Variants in HAS3 observed in about 807,000 individuals in gnomAD.
The protein encoded by HAS3 is hyaluronan synthase 3.
Under a neutral mutation model 50.3 loss-of-function variants are expected in HAS3, and 27 were observed. That is an observed-to-expected ratio of 0.54 (90% CI 0.40 to 0.74). The LOEUF (loss-of-function observed/expected upper bound fraction) is 0.74. HAS3 is among the 30% of genes least tolerant of loss of function. The pLI is 0.00. For missense variants in HAS3, 517 were observed against 742.8 expected, an observed-to-expected ratio of 0.70 and a Z score of 3.53; for synonymous variants, 339 against 310.9, an observed-to-expected ratio of 1.09 and a Z score of -0.95.
Position 69,114,571 on chromosome 16 carries a change from C to T in HAS3, c.967C>T (p.Arg323Ter), listed in dbSNP as rs1404103595. ...SFGDDRHLTN[R>*]VLSLGYRTKY... is the part of the protein sequence containing the mutation. The stretch of plus-strand genomic sequence containing the variant: ...CGGGGATGACCGGCACCTCACCAAC[C>T]GAGTCCTGAGCCTTGGCTACCGAAC... The change falls in exon 4 of 4, where the codon CGA (arginine) becomes TGA (stop). Residue 323 changes from arginine to a stop codon, truncating the protein, a stop_gained. Transcript: ENST00000569188. LOFTEE classifies it high-confidence loss of function. This position sits in a 1 kb window ranked among gnomAD's most constrained non-coding sequence, Gnocchi z 6.4. The T allele has an allele frequency of 2.5e-6, 4 of 1,614,090 alleles. No homozygotes were observed. Among genetic ancestry groups the T allele is most frequent in the Admixed American group, 1.7e-5 (1 of 60,006 alleles).
rs1488819974 is a variant in HAS3, at chr16:69,115,570, T to C, written c.*304T>C. The C allele has an allele frequency of 2.4e-5, 26 of 1,100,514 alleles. No homozygotes were observed. The highest frequency in any genetic ancestry group is 2.8e-5 in the Non-Finnish European group (25 of 903,582). The allele number at this position is 1,100,514 out of a possible 1,614,324, so 68.2% of individuals were successfully genotyped here. On this transcript the variant is annotated 3_prime_UTR_variant, in exon 4 of 4. Transcript: ENST00000569188. ...GGCTCCAGAGGGCACTCAGAAGTTG[T>C]GCTAAACCAAGTTAAGTCCCATTCA...
downstream of HAS3, chr16:69,118,129 C>CCCCA: frequency 5.5e-6 from 2 of 364,368 alleles, no homozygotes; most frequent in South Asian, 4.8e-5. Context: ...CATCCCCCAC[C>CCCCA]CCCACCCTAA....
At chr16:69,100,870 C>G (rs1242469018), upstream of HAS3, among the ~76,000 whole-genome samples, 1 of 151,398 alleles carries the variant, frequency 6.6e-6, no homozygotes, top group East Asian at 1.9e-4. Context: ...GTACTTTTCT[C>G]TTGGTTATGC....
In HAS3 at chr16:69,109,937, G is replaced by C. The variant is rs777810606; in HGVS notation, c.542G>C (p.Ser181Thr). ...MDRVRDVVRA[S>T]TFSCIMQKWG... The stretch of plus-strand genomic sequence containing the variant: ...CGTGTGCGGGATGTGGTGCGGGCCA[G>C]CACCTTCTCGTGCATCATGCAGAAG... Residue 181 changes from serine (S) to threonine (T), a missense_variant, in exon 2 of 4, where the codon AGC (serine) becomes ACC (threonine). Ser to Thr is a moderately conservative substitution (Grantham distance 58). Coordinates refer to ENST00000569188, the MANE Select transcript of HAS3 (RefSeq NM_001199280.2). This position sits in a 1 kb window ranked among gnomAD's most constrained non-coding sequence, Gnocchi z 5.3. 2.5e-6 allele frequency: 4 copies of C among 1,614,104 alleles called. No homozygotes were observed. Among genetic ancestry groups the C allele is most frequent in the Non-Finnish European group, 3.4e-6 (4 of 1,180,014 alleles).
intron 1 of HAS3, among the ~76,000 whole-genome samples, chr16:69,108,530 T>C (rs1345092698): frequency 1.3e-5 from 2 of 152,162 alleles, no homozygotes; most frequent in Admixed American, 1.3e-4. Context: ...CAGGAGTGGC[T>C]GGGCAGGGGG....
intron 2 of HAS3, among the ~76,000 whole-genome samples, chr16:69,112,846 C>T (rs1202118135): frequency 6.6e-6 from 1 of 152,226 alleles, no homozygotes; most frequent in Non-Finnish European, 1.5e-5. Context: ...TCAGAGCAGC[C>T]TCCAGGGGGA....
At position 69,116,779 on chromosome 16, in the gene HAS3, A is replaced by C. The variant is rs551012206; in HGVS notation, c.*1513A>C. 2.0e-6 allele frequency: 2 copies of C among 985,396 alleles called. No individual in the cohort carries two copies. The highest frequency in any genetic ancestry group is 3.5e-5 in the African/African-American group (2 of 57,356). The allele number at this position is 985,396 out of a possible 1,614,324, so 61.0% of individuals were successfully genotyped here. ...GCTGTTCTCAGCGTTTTGAGTTTAA[A>C]ACCTGGGATCCTGACTAAGCCTTTG... On this transcript the variant is annotated 3_prime_UTR_variant, in exon 4 of 4. Transcript: ENST00000569188.
chr16:69,110,015 C>T lies in HAS3; in HGVS notation c.620C>T (p.Ser207Leu), dbSNP rs995292615. 5.6e-6 allele frequency: 9 copies of T among 1,606,478 alleles called. No homozygotes were observed. The highest frequency in any genetic ancestry group is 3.3e-5 in the South Asian group (3 of 90,778). Reference sequence around the variant, plus strand: ...ACGGCCTTCAAGGCCCTCGGCGATTCGGTGGACTACATCCAGGTAAGGGCG... The same window carrying T: ...ACGGCCTTCAAGGCCCTCGGCGATTTGGTGGACTACATCCAGGTAAGGGCG... ...MYTAFKALGD[S>L]VDYIQVCDSD... Residue 207 changes from serine to leucine, a missense_variant, in exon 2 of 4, where the codon TCG becomes TTG. Physicochemically the swap from Ser to Leu is moderately radical, Grantham distance 145. Transcript: ENST00000569188.
chr16:69,107,618 G>C lies in HAS3; in HGVS notation c.1-1778G>C. 1.0e-6 allele frequency: 1 copy of C among 985,500 alleles called. No individual in the cohort carries two copies. The allele number at this position is 985,500 out of a possible 1,614,324, so 61.0% of individuals were successfully genotyped here. A position where few individuals can be genotyped will look rare whatever the true frequency, so the allele number is the denominator to read the frequency against. ...GAGGCGGGGCGCCAGCGCCCAGGTT[G>C]CTGGGCTGGCCTTGGCGCCCCCTTC... On this transcript the variant is annotated intron_variant, in intron 1 of 3. Coordinates refer to ENST00000569188, the MANE Select transcript of HAS3 (RefSeq NM_001199280.2). This position sits in a 1 kb window ranked among gnomAD's most constrained non-coding sequence, Gnocchi z 5.5.
chr16:69,095,884 G>A, the HAS3 span, among the ~76,000 whole-genome samples: 1 of 152,208 alleles, frequency 6.6e-6, no homozygotes, highest in Admixed American at 6.6e-5. Flanking sequence ...CTTTCATCAA[G>A]AAAGAAGACA....
At chr16:69,113,786 C>G (rs1961089097) in intron 3 of HAS3, among the ~76,000 whole-genome samples, 2 of 152,132 alleles carry the variant, frequency 1.3e-5, no homozygotes, top group African/African-American at 4.8e-5. Flanking sequence ...AGGAGGGGCA[C>G]AGTATTTTGA....
At chr16:69,088,797 A>T in the HAS3 span, among the ~76,000 whole-genome samples, 1 of 152,056 alleles carries the variant, frequency 6.6e-6, no homozygotes, top group Admixed American at 6.6e-5. Context: ...CAGAGGTAAG[A>T]GCAGGTCTCA....
At chr16:69,086,707 C>G in the HAS3 span, among the ~76,000 whole-genome samples, 1 of 152,066 alleles carries the variant, frequency 6.6e-6, no homozygotes, top group Non-Finnish European at 1.5e-5. Context: ...GAGTTCGAGA[C>G]CAGCCTGACC....
At position 69,117,093 on chromosome 16, in the gene HAS3, A is replaced by G. The variant is rs1012955637; in HGVS notation, c.*1827A>G. On this transcript the variant is annotated 3_prime_UTR_variant, in exon 4 of 4. Coordinates refer to ENST00000569188, the MANE Select transcript of HAS3 (RefSeq NM_001199280.2). Reference sequence around the variant, plus strand: ...TGGTTGACATCAGACCCAACCCATGAAGGCTGGAAGGCAGCAGGCATTTGC... The same window carrying G: ...TGGTTGACATCAGACCCAACCCATGGAGGCTGGAAGGCAGCAGGCATTTGC... The G allele has an allele frequency of 2.0e-6, 2 of 985,664 alleles. No homozygotes were observed. The highest frequency in any genetic ancestry group is 3.5e-5 in the African/African-American group (2 of 57,262). 61.1% of individuals were successfully genotyped at this position (985,664 alleles called of 1,614,324 possible).
intron 2 of HAS3, 140 bp from the exon 3 acceptor site, chr16:69,113,301 G>C (rs969072508): frequency 5.7e-6 from 4 of 696,428 alleles, no homozygotes; most frequent in African/African-American, 5.2e-5. Context: ...TGGTAGCGCA[G>C]ATCTCTTAGC....
chr16:69,117,675 CT>C (rs955645183), downstream of HAS3: 143 of 965,620 alleles, frequency 1.5e-4, no homozygotes, highest in Admixed American at 1.7e-3. Flanking sequence ...GAAACTACTA[CT>C]TTGTATTTAA....
rs766115426 is a variant in HAS3, at chr16:69,109,811, T to C, written c.416T>C (p.Val139Ala). ...DAYMLDIFHE[V>A]LGGTEQAGFF... ...TACATGCTGGACATCTTCCACGAGG[T>C]GCTGGGCGGCACCGAGCAGGCCGGC... The change falls in exon 2 of 4, where the codon GTG becomes GCG. Residue 139 changes from valine to alanine, a missense_variant. Physicochemically the swap from Val to Ala is moderately conservative, Grantham distance 64. Transcript: ENST00000569188. This position sits in a 1 kb window ranked among gnomAD's most constrained non-coding sequence, Gnocchi z 5.3. The C allele has an allele frequency of 1.9e-6, 3 of 1,612,446 alleles. No individual in the cohort carries two copies. The highest frequency in any genetic ancestry group is 2.5e-6 in the Non-Finnish European group (3 of 1,179,998).
At chr16:69,103,540 C>T (rs539821774), upstream of HAS3, among the ~76,000 whole-genome samples, 37 of 152,134 alleles carry the variant, frequency 2.4e-4, 1 homozygote, top group African/African-American at 8.2e-4. Flanking sequence ...GGATTACAGG[C>T]GCCTGCCACC....
chr16:69,113,380 G>A, intron 2 of HAS3, 61 bp from the exon 3 acceptor site: 1 of 1,068,870 alleles, frequency 9.4e-7, no homozygotes, highest in Non-Finnish European at 1.5e-6. Context: ...TGGCAGTGGG[G>A]TGGGGGACAG....
Sources: allele counts gnomAD v4.1 joint callset (sites outside exome capture counted in the v4.1 genomes callset), GRCh38; gene constraint gnomAD v4.1.1; non-coding constraint Gnocchi (gnomAD v3.1); transcripts MANE v1.5; gene names NCBI Gene and HGNC (gene_info 2026-07-23, HGNC 2026-07-21).